RFX3: variants seen among roughly 807,000 people sequenced by gnomAD.
The protein encoded by RFX3 is regulatory factor X3.
RFX3 carries 14 observed loss-of-function variants against 98.6 expected under a neutral mutation model. That is an observed-to-expected ratio of 0.14 (90% confidence interval 0.09 to 0.22). RFX3 has a LOEUF of 0.22. Among genes scored for constraint, RFX3 ranks in the 10% least tolerant of loss-of-function variants. RFX3 has a pLI of 1.00. For missense variants in RFX3, 639 were observed against 926.9 expected, an observed-to-expected ratio of 0.69 and a Z score of 4.03; for synonymous variants, 383 against 328.4, an observed-to-expected ratio of 1.17 and a Z score of -1.80.
chr9:3,514,712 GT>G (rs1564196001), intron 1 of RFX3, among the ~76,000 whole-genome samples: 2 of 152,178 alleles, frequency 1.3e-5, no homozygotes, highest in Non-Finnish European at 2.9e-5. Flanking sequence ...GCCTCCCAAT[GT>G]GCTGGGATTA....
At chr9:3,383,811 A>T (rs1839435472) in intron 2 of RFX3, among the ~76,000 whole-genome samples, 1 of 152,178 alleles carries the variant, frequency 6.6e-6, no homozygotes, top group Admixed American at 6.6e-5. Context: ...GGTTTCTGGT[A>T]AGCGGAAAAC....
intron 1 of RFX3, among the ~76,000 whole-genome samples, chr9:3,415,924 C>T (rs1564071656): frequency 6.6e-6 from 1 of 152,168 alleles, no homozygotes; most frequent in East Asian, 1.9e-4. Context: ...TTATTCACTA[C>T]CTAGATCTCT....
chr9:3,271,120 TA>T lies in RFX3; in HGVS notation c.1087-3del. 3.7e-6 allele frequency: 6 copies of T among 1,613,060 alleles called. No homozygotes were observed. The highest frequency in any genetic ancestry group is 5.1e-6 in the Non-Finnish European group (6 of 1,179,234). ...ATTCACAACAACGTCCAATATTGCC[TA>T]AAAAACAAAATGGTACCAGTATTAC... is the stretch of plus-strand genomic sequence containing the variant. On this transcript the variant is annotated splice_polypyrimidine_tract_variant and splice_region_variant and intron_variant, in intron 9 of 16. Coordinates refer to ENST00000617270, the MANE Select transcript of RFX3 (RefSeq NM_001282116.2).
intron 2 of RFX3, among the ~76,000 whole-genome samples, chr9:3,377,143 A>C (rs1587402277): frequency 6.6e-6 from 1 of 152,368 alleles, no homozygotes; most frequent in East Asian, 1.9e-4. Flanking sequence ...ACACATGCAC[A>C]CGTATGTTTA....
At chr9:3,504,957 T>TATATAATATATCTTATATAA (rs1816751314) in intron 1 of RFX3, among the ~76,000 whole-genome samples, 1 of 58,992 alleles carries the variant, frequency 1.7e-5, no homozygotes, top group African/African-American at 9.9e-5. Flanking sequence ...ATAATATATA[T>TATATAATATATCTTATATAA]TATATATAAT....
intron 2 of RFX3, among the ~76,000 whole-genome samples, chr9:3,391,471 G>A (rs913029028): frequency 6.6e-6 from 1 of 152,146 alleles, no homozygotes; most frequent in Admixed American, 6.6e-5. Context: ...GAAAATGAGT[G>A]TTCTCACCTT....
intron 1 of RFX3, among the ~76,000 whole-genome samples, chr9:3,496,690 G>A (rs1380867863): frequency 6.6e-6 from 1 of 151,886 alleles, no homozygotes; most frequent in Non-Finnish European, 1.5e-5. Context: ...CTGGGATCAA[G>A]GCAGTTAAGG....
At chr9:3,363,825 G>C (rs1462295787) in intron 2 of RFX3, among the ~76,000 whole-genome samples, 1 of 152,130 alleles carries the variant, frequency 6.6e-6, no homozygotes, top group African/African-American at 2.4e-5. Context: ...TAATGATATT[G>C]GTAGTACAAA....
intron 1 of RFX3, among the ~76,000 whole-genome samples, chr9:3,421,862 A>G (rs894705923): frequency 1.2e-4 from 19 of 152,186 alleles, no homozygotes; most frequent in Non-Finnish European, 1.5e-5. Flanking sequence ...GCCTATCACA[A>G]AATTACTCTA....
chr9:3,423,126 A>C (rs987311378), intron 1 of RFX3, among the ~76,000 whole-genome samples: 2 of 152,194 alleles, frequency 1.3e-5, no homozygotes, highest in African/African-American at 4.8e-5. Context: ...ATATGCTGAG[A>C]ATTCTATTCA....
chr9:3,424,384 C>G (rs1315367138), intron 1 of RFX3, among the ~76,000 whole-genome samples: 1 of 80,270 alleles, frequency 1.2e-5, no homozygotes, highest in Non-Finnish European at 2.2e-5. Flanking sequence ...TTTTTTGAGA[C>G]GGAGTCTCGC....
Position 3,224,455 on chromosome 9 carries a change from A to G in RFX3, c.*587T>C, listed in dbSNP as rs1465743555. The G allele has an allele frequency of 6.6e-6, 1 of 152,420 alleles. No individual in the cohort carries two copies. The highest frequency in any genetic ancestry group is 1.9e-4 in the East Asian group (1 of 5,190). 9.4% of individuals were successfully genotyped at this position (152,420 alleles called of 1,614,324 possible). A position where few individuals can be genotyped will look rare whatever the true frequency, so the allele number is the denominator to read the frequency against. ...AATGTACAGCTCATTTTTTCCTCAGAGAAAAATAGATGACCTTCCAAACCC... is the reference window on the plus strand; with the variant it reads ...AATGTACAGCTCATTTTTTCCTCAGGGAAAAATAGATGACCTTCCAAACCC... On this transcript the variant is annotated 3_prime_UTR_variant, in exon 17 of 17. Coordinates refer to ENST00000617270, the MANE Select transcript of RFX3 (RefSeq NM_001282116.2).
chr9:3,463,413 C>A (rs1190758280), intron 1 of RFX3, among the ~76,000 whole-genome samples: 1 of 151,924 alleles, frequency 6.6e-6, no homozygotes, highest in Non-Finnish European at 1.5e-5. Context: ...ACTAGAAGAA[C>A]ATACAAGGCA....
intron 1 of RFX3, chr9:3,490,240 C>A: frequency 1.4e-6 from 1 of 706,350 alleles, no homozygotes; most frequent in Non-Finnish European, 1.7e-6. Context: ...ATTATGTACA[C>A]ACAGTTCATT....
At chr9:3,479,808 G>T (rs771244817) in intron 1 of RFX3, among the ~76,000 whole-genome samples, 10 of 152,188 alleles carry the variant, frequency 6.6e-5, no homozygotes, top group Non-Finnish European at 1.0e-4. Context: ...AGAAGAATCA[G>T]ATACTTGACT....
At chr9:3,258,860 A>G (rs1822489295) in intron 13 of RFX3, among the ~76,000 whole-genome samples, 1 of 151,030 alleles carries the variant, frequency 6.6e-6, no homozygotes. Context: ...ATATATTTGT[A>G]TTATAAAACA....
rs191263608 is a variant in RFX3, at chr9:3,288,172, C to T, written c.810G>A (p.Gln270=). The T allele has an allele frequency of 2.5e-6, 4 of 1,612,836 alleles. No homozygotes were observed. In the Admixed American group the frequency reaches 6.7e-5, roughly 27 times the overall value. Residue 270 remains glutamine (Q), a synonymous_variant, in exon 7 of 17, where the codon CAG becomes CAA. Coordinates refer to ENST00000617270, the MANE Select transcript of RFX3 (RefSeq NM_001282116.2). ...TGGGTTGTTGTCTCATAGCCATATA[C>T]TGCATGTCTTCTTGCAGACGATTAA... ...SPLNRLQEDM[Q]YMAMRQQPMQ... is the part of the protein sequence containing the mutation.
In RFX3 at chr9:3,243,741, C is replaced by T. The variant is rs184330550; in HGVS notation, c.1968+4291G>A. On this transcript the variant is annotated intron_variant, in intron 15 of 16. Coordinates refer to ENST00000617270, the MANE Select transcript of RFX3 (RefSeq NM_001282116.2). ...GCTTATGAAACTATTTAACTGACACCTTTTCCAAAGCAAGCACCTGTAAAG... is the reference window on the plus strand; with the variant it reads ...GCTTATGAAACTATTTAACTGACACTTTTTCCAAAGCAAGCACCTGTAAAG... Among the ~76,000 whole-genome samples, 4 of 152,208 alleles carry T rather than the reference C, an allele frequency of 2.6e-5. No homozygotes were observed. The East Asian group carries it at 7.7e-4, about 29-fold the overall frequency.
chr9:3,424,492 G>A (rs1049675412), intron 1 of RFX3, among the ~76,000 whole-genome samples: 6 of 150,280 alleles, frequency 4.0e-5, no homozygotes, highest in Non-Finnish European at 8.9e-5. Flanking sequence ...CTCCCGAGTA[G>A]CTGGGACTAC....
Sources: allele counts gnomAD v4.1 joint callset (sites outside exome capture counted in the v4.1 genomes callset), GRCh38; gene constraint gnomAD v4.1.1; transcripts MANE v1.5; gene names NCBI Gene and HGNC (gene_info 2026-07-23, HGNC 2026-07-21).